KCNJ6: variants seen among roughly 807,000 people sequenced by gnomAD.
KCNJ6 encodes the protein G protein-activated inward rectifier potassium channel 2.
A neutral mutation model predicts 34.2 loss-of-function variants in KCNJ6; 9 were observed. That is an observed-to-expected ratio of 0.26 (90% CI 0.16 to 0.46). The LOEUF (loss-of-function observed/expected upper bound fraction) is 0.46, where lower values mean the gene tolerates loss of function less well. KCNJ6 is among the 20% of genes least tolerant of loss of function. The pLI is 1.00. For synonymous variants in KCNJ6, 196 were observed against 207.1 expected (o/e 0.95, Z 0.46); for missense variants, 236 against 531.3 (o/e 0.44, Z 5.46).
At chr21:37,668,956 A>T (rs974748738) in intron 3 of KCNJ6, among the ~76,000 whole-genome samples, 1 of 152,092 alleles carries the variant, frequency 6.6e-6, no homozygotes, top group East Asian at 1.9e-4. Flanking sequence ...ATAACTAGGT[A>T]TTTCCCCTTC....
At chr21:37,792,782 AT>A (rs2055222883) in intron 2 of KCNJ6, among the ~76,000 whole-genome samples, 1 of 152,216 alleles carries the variant, frequency 6.6e-6, no homozygotes, top group Non-Finnish European at 1.5e-5. Flanking sequence ...TCCAGTAAAG[AT>A]TACAGGACAG....
chr21:37,684,359 T>G (rs60578473), intron 3 of KCNJ6, among the ~76,000 whole-genome samples: 14,347 of 151,878 alleles, frequency 0.094, 1,627 homozygotes, highest in African/African-American at 0.27. Flanking sequence ...TTTTTTTTTT[T>G]TATGAGGACA....
rs148683806 is a variant in KCNJ6, at chr21:37,717,998, C to T, written c.26-2867G>A. ...TTTTGAAAGGTTAATGAATGAGTAG[C>T]GATCAGTGCTCTGGAAAGTCTGGGG... On this transcript the variant is annotated intron_variant, in intron 2 of 3. Transcript: ENST00000609713. Among the ~76,000 whole-genome samples, 509 of 152,312 alleles carry T rather than the reference C, an allele frequency of 3.3e-3. 3 individuals are homozygous for T. Among genetic ancestry groups the T allele is most frequent in the African/African-American group, 0.011 (477 of 41,560 alleles).
chr21:37,848,253 G>A (rs570584510), intron 1 of KCNJ6, among the ~76,000 whole-genome samples: 77 of 152,286 alleles, frequency 5.1e-4, no homozygotes, highest in African/African-American at 1.7e-3. Context: ...CTGTGAGCCC[G>A]GGGACTAGCA....
chr21:37,711,797 A>ACCCCC (rs369492998), intron 3 of KCNJ6, among the ~76,000 whole-genome samples: 11 of 142,788 alleles, frequency 7.7e-5, no homozygotes, highest in South Asian at 4.7e-4. Context: ...ACTTTCTAGA[A>ACCCCC]CCCCCCCCCC....
chr21:37,646,311 C>A (rs551708169), intron 3 of KCNJ6, among the ~76,000 whole-genome samples: 2 of 152,184 alleles, frequency 1.3e-5, no homozygotes, highest in Non-Finnish European at 2.9e-5. Flanking sequence ...TCCCTTGGCT[C>A]ACAAATCACC....
chr21:37,787,860 G>T (rs555074164), intron 2 of KCNJ6, among the ~76,000 whole-genome samples: 1 of 152,284 alleles, frequency 6.6e-6, no homozygotes, highest in East Asian at 1.9e-4. Context: ...GGTCAGAAAT[G>T]TTTTCTTTAA....
chr21:37,667,524 G>A (rs1278777068), intron 3 of KCNJ6, among the ~76,000 whole-genome samples: 2 of 151,094 alleles, frequency 1.3e-5, no homozygotes, highest in Non-Finnish European at 3.0e-5. Context: ...AGTGGGCGCC[G>A]GGGTAGCGGG....
chr21:37,749,810 G>A (rs906103916), intron 2 of KCNJ6, among the ~76,000 whole-genome samples: 1 of 152,192 alleles, frequency 6.6e-6, no homozygotes, highest in Admixed American at 6.5e-5. Context: ...GAGGCTGAAT[G>A]GAAAGAAGGA....
chr21:37,666,678 G>A (rs1258851131), intron 3 of KCNJ6, among the ~76,000 whole-genome samples: 20 of 151,988 alleles, frequency 1.3e-4, no homozygotes, highest in Non-Finnish European at 2.9e-5. Context: ...TCGAGAACGG[G>A]CCATGATGAC....
chr21:37,688,787 T>C (rs1422210843), intron 3 of KCNJ6, among the ~76,000 whole-genome samples: 1 of 152,224 alleles, frequency 6.6e-6, no homozygotes, highest in African/African-American at 2.4e-5. Context: ...CTTAGGTGCC[T>C]AGTAAGTATT....
At chr21:37,876,929 G>C (rs2055681471) in intron 1 of KCNJ6, among the ~76,000 whole-genome samples, 1 of 152,210 alleles carries the variant, frequency 6.6e-6, no homozygotes, top group Admixed American at 6.5e-5. Flanking sequence ...AAAGAGTGAA[G>C]AGTCCCCTGT....
At chr21:37,687,176 C>T (rs2054619419) in intron 3 of KCNJ6, among the ~76,000 whole-genome samples, 2 of 151,972 alleles carry the variant, frequency 1.3e-5, no homozygotes, top group African/African-American at 2.4e-5. Flanking sequence ...TTAACCTGGG[C>T]CTCTTGGGCC....
chr21:37,854,546 A>G (rs1460981291), intron 1 of KCNJ6, among the ~76,000 whole-genome samples: 1 of 152,232 alleles, frequency 6.6e-6, no homozygotes, highest in Non-Finnish European at 1.5e-5. Flanking sequence ...ATACATTTAG[A>G]TAGAAAGAAT....
intron 3 of KCNJ6, among the ~76,000 whole-genome samples, chr21:37,697,842 G>C (rs1025736228): frequency 1.3e-5 from 2 of 152,210 alleles, no homozygotes; most frequent in African/African-American, 4.8e-5. Flanking sequence ...GTTACACTCA[G>C]TCTCCTAGGC....
chr21:37,732,921 C>T (rs1032404717), intron 2 of KCNJ6, among the ~76,000 whole-genome samples: 4 of 152,146 alleles, frequency 2.6e-5, no homozygotes, highest in African/African-American at 9.7e-5. Context: ...TGGGTAGCTC[C>T]ACCTGGTACC....
intron 1 of KCNJ6, among the ~76,000 whole-genome samples, chr21:37,850,618 T>C (rs1018584553): frequency 1.2e-4 from 18 of 151,980 alleles, no homozygotes; most frequent in Non-Finnish European, 5.9e-5. Context: ...TGGTCCCTCA[T>C]GCCAAAAAGG....
intron 2 of KCNJ6, among the ~76,000 whole-genome samples, chr21:37,794,965 A>G (rs2055234205): frequency 6.6e-6 from 1 of 152,228 alleles, no homozygotes; most frequent in African/African-American, 2.4e-5. Flanking sequence ...AATTCCGCCC[A>G]TGAATGAGTT....
chr21:37,847,576 C>T (rs953414807), intron 1 of KCNJ6, among the ~76,000 whole-genome samples: 2 of 152,190 alleles, frequency 1.3e-5, no homozygotes, highest in African/African-American at 4.8e-5. Context: ...AAGAGGACAT[C>T]CAGGTAAAGC....
Sources: allele counts gnomAD v4.1 joint callset (sites outside exome capture counted in the v4.1 genomes callset), GRCh38; gene constraint gnomAD v4.1.1; transcripts MANE v1.5; gene names NCBI Gene and HGNC (gene_info 2026-07-23, HGNC 2026-07-21).